Variants in ADAMTS18 observed in about 807,000 individuals in gnomAD.
ADAMTS18 encodes A disintegrin and metalloproteinase with thrombospondin motifs 18.
A neutral mutation model predicts 165.9 loss-of-function variants in ADAMTS18; 157 were observed. That is an observed-to-expected ratio of 0.95 (90% CI 0.83 to 1.08). ADAMTS18 has a LOEUF of 1.08. Ranked by LOEUF, ADAMTS18 falls within the 50% of genes least tolerant of loss-of-function variation. The pLI is 0.00. For missense variants in ADAMTS18, 2,040 were observed against 1,534.0 expected (o/e 1.33, Z -5.51); for synonymous variants, 782 against 578.2 (o/e 1.35, Z -5.06).
At chr16:77,421,985 C>G (rs2057608858) in intron 3 of ADAMTS18, among the ~76,000 whole-genome samples, 1 of 152,132 alleles carries the variant, frequency 6.6e-6, no homozygotes, top group African/African-American at 2.4e-5. Flanking sequence ...CTTCCCCCAC[C>G]AAACAAGATG....
rs2055847610 is a variant in ADAMTS18 at position 77,314,632 on chromosome 16, T to TGG, written c.2532+5216_2532+5217insCC. Among the ~76,000 whole-genome samples the TGG allele has an allele frequency of 2.6e-5, 3 of 114,976 alleles. 1 individual carries two copies. The highest frequency in any genetic ancestry group is 5.4e-5 in the Non-Finnish European group (3 of 55,806). 75.4% of individuals were successfully genotyped at this position (114,976 alleles called of 152,430 possible). A position where few individuals can be genotyped will look rare whatever the true frequency, so the allele number is the denominator to read the frequency against. On this transcript the variant is annotated intron_variant, in intron 16 of 22. Coordinates refer to ENST00000282849, the MANE Select transcript of ADAMTS18 (RefSeq NM_199355.4). ...TGTCTCAAAAAAAAAAAAATGTGTGTGTATGTGTGTGTGTGTGTATATATA... is the reference window on the plus strand; with the variant it reads ...TGTCTCAAAAAAAAAAAAATGTGTGTGGGTATGTGTGTGTGTGTGTATATATA...
At chr16:77,356,248 C>T (rs1471136459) in intron 8 of ADAMTS18, among the ~76,000 whole-genome samples, 171 bp from the exon 9 acceptor site, 1 of 152,130 alleles carries the variant, frequency 6.6e-6, no homozygotes, top group Non-Finnish European at 1.5e-5. Flanking sequence ...AAAATTCACA[C>T]AGAAAACTTT....
At chr16:77,370,388 G>C (rs2056859619) in intron 3 of ADAMTS18, among the ~76,000 whole-genome samples, 1 of 152,170 alleles carries the variant, frequency 6.6e-6, no homozygotes, top group Admixed American at 6.5e-5. Flanking sequence ...TAGAGTTGTA[G>C]GACGCAAAAA....
rs61581443 is a variant in ADAMTS18 at position 77,341,221 on chromosome 16, G to A, written c.1710+483C>T. ...AAGGACCTTAGGTACACACTAGGTG[G>A]AGGCGTCTCTTACCCTTCAATAGGA... On this transcript the variant is annotated intron_variant, in intron 11 of 22. Transcript: ENST00000282849. Among the ~76,000 whole-genome samples the A allele has an allele frequency of 3.5e-4, 53 of 152,282 alleles. No homozygotes were observed. In the East Asian group the frequency reaches 9.1e-3, roughly 26 times the overall value.
In ADAMTS18 at chr16:77,367,386, G is replaced by T. The variant is rs1423672280; in HGVS notation, c.778+55C>A. 6 of 1,609,908 alleles carry T rather than the reference G, an allele frequency of 3.7e-6. No homozygotes were observed. The African/African-American group carries it at 8.0e-5, about 22-fold the overall frequency. On this transcript the variant is annotated intron_variant, in intron 4 of 22. Coordinates refer to ENST00000282849, the MANE Select transcript of ADAMTS18 (RefSeq NM_199355.4). ...AGCTTGTACACCCAACAGCACTCAG[G>T]AAAACCTGTCGAGGCCCACATAAGA... is the stretch of plus-strand genomic sequence containing the variant.
At chr16:77,293,990 C>T (rs561717095) in intron 19 of ADAMTS18, among the ~76,000 whole-genome samples, 1 of 152,018 alleles carries the variant, frequency 6.6e-6, no homozygotes, top group East Asian at 1.9e-4. Context: ...AAAAATAAAG[C>T]CCTACTCTGA....
intron 3 of ADAMTS18, among the ~76,000 whole-genome samples, chr16:77,402,588 G>C (rs1399131576): frequency 6.6e-6 from 1 of 152,190 alleles, no homozygotes; most frequent in Non-Finnish European, 1.5e-5. Context: ...CCACATTTAG[G>C]CAGAATGTAA....
chr16:77,297,531 A>G lies in ADAMTS18; in HGVS notation c.2675-116T>C. ...ATATTTTATTTCAGATATGGAATCC[A>G]AATATTTTGTGGAACGCTTCCTTTT... is the stretch of plus-strand genomic sequence containing the variant. On this transcript the variant is annotated intron_variant, in intron 17 of 22. Coordinates refer to ENST00000282849, the MANE Select transcript of ADAMTS18 (RefSeq NM_199355.4). 6 of 1,138,312 alleles carry G rather than the reference A, an allele frequency of 5.3e-6. No homozygotes were observed. In the South Asian group the frequency reaches 7.8e-5, roughly 15 times the overall value. The allele number at this position is 1,138,312 out of a possible 1,614,324, so 70.5% of individuals were successfully genotyped here.
At position 77,301,234 on chromosome 16, in the gene ADAMTS18, C is replaced by T. The variant is rs560912498; in HGVS notation, c.2533-830G>A. 3.3e-5 allele frequency among the ~76,000 whole-genome samples: 5 copies of T among 150,832 alleles called. No homozygotes were observed. In the South Asian group the frequency reaches 1.0e-3, roughly 31 times the overall value. ...CAGCCATTCTTAATGCATCATAAAA[C>T]ATTCTTCTAACAACTCTATAATGTA... On this transcript the variant is annotated intron_variant, in intron 16 of 22. Coordinates refer to ENST00000282849, the MANE Select transcript of ADAMTS18 (RefSeq NM_199355.4).
At position 77,364,367 on chromosome 16, in the gene ADAMTS18, G is replaced by T. The variant is rs745623977; in HGVS notation, c.793C>A (p.Pro265Thr). The T allele has an allele frequency of 6.2e-7, 1 of 1,613,652 alleles. No individual in the cohort carries two copies. Among genetic ancestry groups the T allele is most frequent in the African/African-American group, 1.3e-5 (1 of 74,786 alleles). Residue 265 changes from proline to threonine, a missense_variant, in exon 5 of 23, where the codon CCC (proline) becomes ACC (threonine). Physicochemically the swap from Pro to Thr is conservative, Grantham distance 38 (BLOSUM62 -1). Transcript: ENST00000282849. ...AACCTTAGATAGGTGTCCTCTGTGG[G>T]AGGCTTGGGAGCATCTACGATGAAC... ...GRRKKYAPKPPTEDTYLRFDE... is the reference protein window; with the variant it reads ...GRRKKYAPKPTTEDTYLRFDE...
At position 77,334,354 on chromosome 16, in the gene ADAMTS18, C is replaced by A. The variant is rs367723417; in HGVS notation, c.1859+1402G>T. On this transcript the variant is annotated intron_variant, in intron 12 of 22. Transcript: ENST00000282849. ...TACATATATTATACTATTATATATA[C>A]TACATATTTATATTATATATAGTAT... 3.9e-3 allele frequency among the ~76,000 whole-genome samples: 292 copies of A among 74,072 alleles called. 42 individuals carry two copies. Among genetic ancestry groups the A allele is most frequent in the Non-Finnish European group, 6.0e-3 (248 of 41,638 alleles). 48.6% of individuals were successfully genotyped at this position (74,072 alleles called of 152,430 possible).
rs533750915 is a variant in ADAMTS18, at chr16:77,285,687, T to C, written c.3551-1616A>G. Among the ~76,000 whole-genome samples the C allele has an allele frequency of 2.6e-5, 4 of 152,296 alleles. No homozygotes were observed. In the South Asian group the frequency reaches 8.3e-4, roughly 32 times the overall value. On this transcript the variant is annotated intron_variant, in intron 22 of 22. Transcript: ENST00000282849. ...AAGTGCTTTTTTTGATTATAATTAC[T>C]AACAGCTGGTTGTTTGAGCTTCTAC...
chr16:77,292,286 C>A (rs1014049979), intron 20 of ADAMTS18, among the ~76,000 whole-genome samples: 57 of 152,180 alleles, frequency 3.7e-4, no homozygotes, highest in African/African-American at 1.3e-3. Context: ...AGAGCAAGAC[C>A]CTGTCTCAAA....
chr16:77,299,204 T>C (rs2055534143), intron 17 of ADAMTS18, among the ~76,000 whole-genome samples: 1 of 152,248 alleles, frequency 6.6e-6, no homozygotes, highest in South Asian at 2.1e-4. Context: ...TATGTGAGTC[T>C]GTCAAACACA....
chr16:77,313,651 C>T (rs1041034299), intron 16 of ADAMTS18, among the ~76,000 whole-genome samples: 2 of 152,136 alleles, frequency 1.3e-5, no homozygotes, highest in Non-Finnish European at 2.9e-5. Context: ...TTTGCTCTGA[C>T]TGCACACGGC....
At chr16:77,328,390 T>G (rs911358420) in intron 12 of ADAMTS18, among the ~76,000 whole-genome samples, 1 of 152,096 alleles carries the variant, frequency 6.6e-6, no homozygotes, top group Non-Finnish European at 1.5e-5. Context: ...CTTGTCTCTT[T>G]AGGAGGCACA....
intron 16 of ADAMTS18, among the ~76,000 whole-genome samples, chr16:77,311,001 T>C (rs969405768): frequency 6.6e-5 from 10 of 151,998 alleles, no homozygotes; most frequent in Non-Finnish European, 8.8e-5. Flanking sequence ...CAGAAGAAAA[T>C]TGTTTTGATG....
chr16:77,324,584 C>G (rs1171621912), intron 13 of ADAMTS18, among the ~76,000 whole-genome samples: 1 of 152,016 alleles, frequency 6.6e-6, no homozygotes, highest in Non-Finnish European at 1.5e-5. Context: ...TAAATGACCA[C>G]ATAAAAATAC....
intron 3 of ADAMTS18, among the ~76,000 whole-genome samples, chr16:77,403,270 T>C (rs1420681422): frequency 6.6e-6 from 1 of 152,214 alleles, no homozygotes; most frequent in Non-Finnish European, 1.5e-5. Context: ...CTTAGGCTAA[T>C]TGTTAATAAT....
Sources: allele counts gnomAD v4.1 joint callset (sites outside exome capture counted in the v4.1 genomes callset), GRCh38; gene constraint gnomAD v4.1.1; transcripts MANE v1.5; gene names NCBI Gene and HGNC (gene_info 2026-07-23, HGNC 2026-07-21).